The following UBA1 variants were observed in gnomAD, a reference collection of about 807,000 sequenced individuals.
UBA1 encodes the protein ubiquitin-like modifier-activating enzyme 1.
A neutral mutation model predicts 84.7 loss-of-function variants in UBA1; 4 were observed. That is an observed-to-expected ratio of 0.05 (90% CI 0.02 to 0.11). The LOEUF (loss-of-function observed/expected upper bound fraction) is 0.11. Ranked by LOEUF, UBA1 falls within the 10% of genes least tolerant of loss-of-function variation. UBA1 has a pLI of 1.00. For synonymous variants in UBA1, 364 were observed against 362.6 expected, an observed-to-expected ratio of 1.00 and a Z score of -0.04; for missense variants, 513 against 902.8, an observed-to-expected ratio of 0.57 and a Z score of 5.53.
intron 23 of UBA1, among the ~76,000 whole-genome samples, 161 bp downstream of exon 23, chrX:47,213,342 C>T (rs985354810): frequency 9.0e-5 from 10 of 111,625 alleles, no homozygotes; most frequent in East Asian, 2.8e-4. Context: ...TATTTGAGTA[C>T]GTGCGAAAAG....
intron 16 of UBA1, chrX:47,206,680 T>G: frequency 2.3e-6 from 1 of 426,163 alleles, no homozygotes; most frequent in Non-Finnish European, 4.1e-6. Flanking sequence ...TTAAGAATAT[T>G]ATGATGAATA....
intron 17 of UBA1, 97 bp from the exon 18 acceptor site, chrX:47,209,831 C>T (rs1429534650): frequency 1.2e-5 from 13 of 1,098,399 alleles, no homozygotes; most frequent in East Asian, 3.0e-5. Context: ...TGTTTGGGGT[C>T]GGGACTAGTT....
At chrX:47,194,441 C>G (rs1214520232) in intron 1 of UBA1, among the ~76,000 whole-genome samples, 1 of 112,350 alleles carries the variant, frequency 8.9e-6, no homozygotes, top group African/African-American at 3.2e-5. Flanking sequence ...GAGACACTTC[C>G]TAGCTTCTCA....
In UBA1 at chrX:47,202,152, G is replaced by T. The variant is rs372842152; in HGVS notation, c.812-4G>T. On this transcript the variant is annotated splice_region_variant and splice_polypyrimidine_tract_variant and intron_variant, in intron 8 of 25. Coordinates refer to ENST00000335972, the MANE Select transcript of UBA1 (RefSeq NM_003334.4). Reference sequence around the variant, plus strand: ...ACTGACAGCTCTCTTCCTGCCCTCTGTAGGTCCTTATACCTTTAGCATCTG... The same window carrying T: ...ACTGACAGCTCTCTTCCTGCCCTCTTTAGGTCCTTATACCTTTAGCATCTG... 2.5e-6 allele frequency: 3 copies of T among 1,203,625 alleles called. No homozygotes were observed. In the Admixed American group the frequency reaches 6.5e-5, roughly 26 times the overall value.
chrX:47,202,289 G>T, intron 9 of UBA1, 36 bp downstream of exon 9: 3 of 1,204,856 alleles, frequency 2.5e-6, no homozygotes, highest in Non-Finnish European at 3.4e-6. Flanking sequence ...GCTGTGGGGG[G>T]TGGTTCTAGG....
intron 8 of UBA1, among the ~76,000 whole-genome samples, chrX:47,201,937 C>T: frequency 9.0e-6 from 1 of 111,434 alleles, no homozygotes; most frequent in Non-Finnish European, 1.9e-5. Flanking sequence ...GAAGGTCTTC[C>T]CGTGTAGACT....
At chrX:47,197,844 T>G (rs1267928264) in intron 1 of UBA1, 21 of 569,795 alleles carry the variant, frequency 3.7e-5, no homozygotes, top group Non-Finnish European at 1.3e-5. Context: ...TGAGTGAATT[T>G]TTTTCCATCA....
Position 47,199,114 on chromosome X carries a change from G to T in UBA1, c.176+8G>T. ...CCTTTACTCCCGGCAGCTGTAAGTG[G>T]GGCCAAGGCCGGGCTGAGGGGTGTG... On this transcript the variant is annotated splice_region_variant and intron_variant, in intron 3 of 25. Transcript: ENST00000335972. The T allele has an allele frequency of 1.6e-6, 2 of 1,212,452 alleles. No individual in the cohort carries two copies. The highest frequency in any genetic ancestry group is 2.2e-6 in the Non-Finnish European group (2 of 895,618).
intron 20 of UBA1, among the ~76,000 whole-genome samples, chrX:47,212,062 TCC>T (rs1936944821): frequency 1.0e-5 from 1 of 99,593 alleles, no homozygotes. Flanking sequence ...TCTTTTTTAC[TCC>T]CCTTTTCCTC....
chrX:47,201,043 A>G, intron 6 of UBA1, 43 bp downstream of exon 6: 1 of 1,082,363 alleles, frequency 9.2e-7, no homozygotes, highest in African/African-American at 1.9e-5. Flanking sequence ...TTTTCCCCCA[A>G]CTCCTACCAA....
chrX:47,197,694 C>T, intron 1 of UBA1: 1 of 687,137 alleles, frequency 1.5e-6, no homozygotes, highest in African/African-American at 2.3e-5. Context: ...CCGGCAAGGA[C>T]ACTAAACTCT....
chrX:47,204,524 C>G (rs138320187), intron 14 of UBA1, among the ~76,000 whole-genome samples: 1,640 of 111,450 alleles, frequency 0.015, 34 homozygotes, highest in African/African-American at 0.051. Context: ...GTAGGCGCCC[C>G]CTTCCTGGCA....
At chrX:47,200,739 G>T (rs1936376854) in intron 5 of UBA1, among the ~76,000 whole-genome samples, 155 bp from the exon 6 acceptor site, 2 of 112,189 alleles carry the variant, frequency 1.8e-5, no homozygotes, top group African/African-American at 6.5e-5. Context: ...CCCCCACAGA[G>T]TCTGATACAC....
At chrX:47,194,546 C>T (rs1392800004) in intron 1 of UBA1, among the ~76,000 whole-genome samples, 1 of 111,904 alleles carries the variant, frequency 8.9e-6, no homozygotes, top group Non-Finnish European at 1.9e-5. Flanking sequence ...CATTTTCCTT[C>T]AGACCCCCAT....
intron 16 of UBA1, chrX:47,206,685 TGAA>T (rs1302738267): frequency 4.7e-6 from 2 of 421,365 alleles, no homozygotes; most frequent in African/African-American, 5.0e-5. Context: ...AATATTATGA[TGAA>T]TACTCAAATA....
chrX:47,208,272 CGTGT>C (rs144601357), intron 16 of UBA1, among the ~76,000 whole-genome samples: 22 of 106,480 alleles, frequency 2.1e-4, no homozygotes, highest in South Asian at 1.6e-3. Context: ...AGTGTCTGTA[CGTGT>C]GTGTGTGTGT....
At chrX:47,199,026 T>G in intron 2 of UBA1, 22 bp from the exon 3 acceptor site, 1 of 1,211,929 alleles carries the variant, frequency 8.3e-7, no homozygotes, top group Admixed American at 2.2e-5. Context: ...TCCCTAAACT[T>G]GTTCTTTTCC....
rs782369892 is a variant in UBA1 at position 47,209,446 on chromosome X, G to C, written c.1939-177G>C. 65 of 530,368 alleles carry C rather than the reference G, an allele frequency of 1.2e-4. No homozygotes were observed. The South Asian group carries it at 1.5e-3, about 12-fold the overall frequency. The allele number at this position is 530,368 out of a possible 1,213,427, so 43.7% of individuals were successfully genotyped here. A position where few individuals can be genotyped will look rare whatever the true frequency, so the allele number is the denominator to read the frequency against. On this transcript the variant is annotated intron_variant, in intron 16 of 25. Coordinates refer to ENST00000335972, the MANE Select transcript of UBA1 (RefSeq NM_003334.4). Reference sequence around the variant, plus strand: ...TGGGATTACAGGTGTGAGCTACTGTGCCTGGCCTGGTTTTTCAATTGAGGT... The same window carrying C: ...TGGGATTACAGGTGTGAGCTACTGTCCCTGGCCTGGTTTTTCAATTGAGGT...
chrX:47,199,953 T>C (rs1480791507), intron 5 of UBA1, among the ~76,000 whole-genome samples: 1 of 109,945 alleles, frequency 9.1e-6, no homozygotes, highest in East Asian at 2.9e-4. Flanking sequence ...CGGCTAATTT[T>C]TTTTTGTATT....
Sources: allele counts gnomAD v4.1 joint callset (sites outside exome capture counted in the v4.1 genomes callset), GRCh38; gene constraint gnomAD v4.1.1; transcripts MANE v1.5; gene names NCBI Gene and HGNC (gene_info 2026-07-23, HGNC 2026-07-21).